TNS1: variants seen among roughly 807,000 people sequenced by gnomAD.
TNS1 encodes the protein tensin-1.
A neutral mutation model predicts 168.6 loss-of-function variants in TNS1; 62 were observed. The ratio of observed to expected loss-of-function variants is 0.37; its 90% CI spans 0.30 to 0.45. The LOEUF (loss-of-function observed/expected upper bound fraction) is 0.45, where lower values mean the gene tolerates loss of function less well. Ranked by LOEUF, TNS1 falls within the 20% of genes least tolerant of loss-of-function variation. The probability of loss-of-function intolerance (pLI) is 1.00; values close to 1 mark genes in which losing one functional copy is unlikely to be tolerated. For synonymous variants in TNS1, 934 were observed against 933.2 expected, an observed-to-expected ratio of 1.00 and a Z score of -0.02; for missense variants, 2,240 against 2,339.4, an observed-to-expected ratio of 0.96 and a Z score of 0.88.
At chr2:217,899,358 T>C (rs1233028135) in intron 7 of TNS1, among the ~76,000 whole-genome samples, 2 of 152,178 alleles carry the variant, frequency 1.3e-5, no homozygotes, top group African/African-American at 4.8e-5. Flanking sequence ...GAGAAGTTTC[T>C]ATCTCAAGCC....
chr2:218,002,470 G>A (rs1008261805), intron 1 of TNS1, among the ~76,000 whole-genome samples: 2 of 148,886 alleles, frequency 1.3e-5, no homozygotes, highest in Middle Eastern at 3.4e-3. Context: ...CAGCAACTGA[G>A]GGGGGGCGGT....
chr2:217,839,907 C>T (rs866277787), intron 19 of TNS1, among the ~76,000 whole-genome samples: 1 of 152,198 alleles, frequency 6.6e-6, no homozygotes, highest in East Asian at 1.9e-4. Flanking sequence ...AGCCACACGG[C>T]GATCACACTA....
At chr2:218,021,233 A>T (rs1253340754) in intron 1 of TNS1, among the ~76,000 whole-genome samples, 1 of 152,108 alleles carries the variant, frequency 6.6e-6, no homozygotes, top group African/African-American at 2.4e-5. Flanking sequence ...TAGAGACCAG[A>T]GGGGAAACGG....
chr2:217,908,488 A>G (rs944892756), intron 4 of TNS1, among the ~76,000 whole-genome samples: 3 of 152,190 alleles, frequency 2.0e-5, no homozygotes, highest in African/African-American at 7.2e-5. Context: ...GTCTCGGCAC[A>G]AGAGGCGCCT....
intron 19 of TNS1, 24 bp downstream of exon 19, chr2:217,847,486 G>C (rs748900421): frequency 7.1e-7 from 1 of 1,401,526 alleles, no homozygotes; most frequent in Non-Finnish European, 9.4e-7. Flanking sequence ...GGGGTAGAAG[G>C]AGTCAGGACT....
intron 1 of TNS1, among the ~76,000 whole-genome samples, chr2:218,030,233 C>T (rs968218106): frequency 1.3e-5 from 2 of 152,220 alleles, no homozygotes; most frequent in Non-Finnish European, 2.9e-5. Context: ...GGTCCCGGCT[C>T]TTCTCCATGC....
intron 32 of TNS1, among the ~76,000 whole-genome samples, chr2:217,805,555 A>C (rs1574523130): frequency 9.9e-4 from 1 of 1,014 alleles, no homozygotes; most frequent in Non-Finnish European, 1.7e-3. Context: ...ACCACACACC[A>C]CACACACCAC....
At position 217,880,157 on chromosome 2, in the gene TNS1, G is replaced by A. The variant is rs1374938676; in HGVS notation, c.1429+741C>T. 2.6e-5 allele frequency among the ~76,000 whole-genome samples: 4 copies of A among 152,128 alleles called. No homozygotes were observed. Among genetic ancestry groups the A allele is most frequent in the African/African-American group, 4.8e-5 (2 of 41,414 alleles). ...CTGGGCTCTGGGCATGCTCACTTTC[G>A]GAGCCCGCCCCACGTCTCCTTACAC... is the stretch of plus-strand genomic sequence containing the variant. On this transcript the variant is annotated intron_variant, in intron 18 of 32. Transcript: ENST00000682258. This position sits in a 1 kb window ranked among gnomAD's most constrained non-coding sequence, Gnocchi z 4.2.
chr2:217,936,473 C>T (rs969026236), intron 3 of TNS1, among the ~76,000 whole-genome samples: 1 of 152,082 alleles, frequency 6.6e-6, no homozygotes, highest in Non-Finnish European at 1.5e-5. Flanking sequence ...TGGAAGGAAG[C>T]CCAGAGGGAT....
chr2:217,912,479 T>C (rs975842771), intron 4 of TNS1, among the ~76,000 whole-genome samples: 2 of 152,030 alleles, frequency 1.3e-5, no homozygotes, highest in East Asian at 3.9e-4. Flanking sequence ...CATGACCAGA[T>C]CTACTGCCAT....
At chr2:217,920,329 C>A in intron 3 of TNS1, 93 bp from the exon 4 acceptor site, 3 of 696,996 alleles carry the variant, frequency 4.3e-6, no homozygotes, top group Admixed American at 2.0e-5. Flanking sequence ...CCCCCTGCTT[C>A]ATTCCCTCAC....
intron 3 of TNS1, among the ~76,000 whole-genome samples, chr2:217,937,798 C>G (rs1421336528): frequency 6.6e-6 from 1 of 152,092 alleles, no homozygotes. Context: ...GGGACAGAGC[C>G]AGGCCTAGAC....
At chr2:218,008,325 G>C (rs1958678035) in intron 1 of TNS1, among the ~76,000 whole-genome samples, 1 of 152,214 alleles carries the variant, frequency 6.6e-6, no homozygotes, top group African/African-American at 2.4e-5. Flanking sequence ...CCAGTCGCCA[G>C]CTCAAATCCT....
chr2:217,850,265 G>A, intron 18 of TNS1: 1 of 985,398 alleles, frequency 1.0e-6, no homozygotes. Flanking sequence ...CTGTGCCAGA[G>A]GGGACACGCT....
Position 217,813,136 on chromosome 2 carries a change from G to A in TNS1, c.4954+79C>T, listed in dbSNP as rs1217734314. 5 of 1,033,490 alleles carry A rather than the reference G, an allele frequency of 4.8e-6. No homozygotes were observed. The highest frequency in any genetic ancestry group is 5.9e-6 in the Non-Finnish European group (4 of 677,996). The allele number at this position is 1,033,490 out of a possible 1,614,324, so 64.0% of individuals were successfully genotyped here. ...GCAGAGCCTGTCAGAAAGAACTTGG[G>A]GTCAGACCCCTGGAGGAACCCAGGA... On this transcript the variant is annotated intron_variant, in intron 27 of 32. Transcript: ENST00000682258. This position sits in a 1 kb window ranked among gnomAD's most constrained non-coding sequence, Gnocchi z 4.0.
intron 6 of TNS1, among the ~76,000 whole-genome samples, chr2:217,902,382 G>A (rs1486736884): frequency 2.6e-5 from 4 of 152,126 alleles, no homozygotes; most frequent in South Asian, 4.1e-4. Flanking sequence ...AAGCCACAAC[G>A]GTAGCCAAGA....
intron 27 of TNS1, among the ~76,000 whole-genome samples, 196 bp from the exon 28 acceptor site, chr2:217,812,641 G>A (rs540461655): frequency 5.3e-5 from 8 of 152,160 alleles, no homozygotes; most frequent in East Asian, 1.9e-4. Context: ...GTTCACTCTC[G>A]CAGTCATAAA....
At chr2:217,873,431 C>T (rs151138453) in intron 18 of TNS1, among the ~76,000 whole-genome samples, 17 of 152,096 alleles carry the variant, frequency 1.1e-4, no homozygotes, top group African/African-American at 2.7e-4. Flanking sequence ...TACCTGCGGG[C>T]GCATGGAGGA....
intron 19 of TNS1, among the ~76,000 whole-genome samples, chr2:217,842,527 G>A (rs1461933105): frequency 2.6e-5 from 4 of 151,984 alleles, no homozygotes; most frequent in African/African-American, 9.7e-5. Context: ...TCTAAAATCC[G>A]AGCACTTCTC....
Sources: gnomAD v4.1 joint callset for allele counts (sites outside exome capture counted in the v4.1 genomes callset) on GRCh38, gnomAD v4.1.1 for gene constraint, Gnocchi (gnomAD v3.1) non-coding constraint, MANE v1.5 for transcripts, NCBI Gene and HGNC (gene_info 2026-07-23, HGNC 2026-07-21) for gene names.